Variants in VCPIP1 observed in about 807,000 individuals in gnomAD.
VCPIP1 encodes valosin containing protein interacting protein 1, also known as deubiquitinating protein VCPIP1.
In VCPIP1, 8 loss-of-function variants were observed where a neutral mutation model predicts 85.0. That is an observed-to-expected ratio of 0.09 (90% CI 0.06 to 0.17). The LOEUF is 0.17. Ranked by LOEUF, VCPIP1 falls within the 10% of genes least tolerant of loss-of-function variation. The pLI is 1.00. For synonymous variants in VCPIP1, 543 were observed against 544.5 expected, an observed-to-expected ratio of 1.00 and a Z score of 0.04; for missense variants, 1,070 against 1,486.3, an observed-to-expected ratio of 0.72 and a Z score of 4.61.
chr8:66,644,334 C>A (rs1353736905), intron 2 of VCPIP1, among the ~76,000 whole-genome samples: 2 of 152,110 alleles, frequency 1.3e-5, no homozygotes, highest in Non-Finnish European at 2.9e-5. Context: ...AAACACTCAA[C>A]AAAATATTAG....
At position 66,665,396 on chromosome 8, in the gene VCPIP1, T is replaced by C; in HGVS notation, c.1563A>G (p.Ser521=). 2 of 1,614,222 alleles carry C rather than the reference T, an allele frequency of 1.2e-6. No homozygotes were observed. The highest frequency in any genetic ancestry group is 1.7e-6 in the Non-Finnish European group (2 of 1,180,042). Residue 521 remains serine (S), a synonymous_variant, in exon 1 of 3, where the codon TCA becomes TCG. Transcript: ENST00000310421. The surrounding 1 kb of genome is among the most constrained non-coding windows in gnomAD (Gnocchi z 4.3). ...AGTCTGGTACCAGAACATCTTTCAC[T>C]GAATCATATGAGCAAACCAAATTGT... The part of the protein sequence containing the change: ...PLNNLVCSYD[S]VKDVLVPDYG...
intron 2 of VCPIP1, among the ~76,000 whole-genome samples, chr8:66,647,447 A>G (rs2130162458): frequency 6.6e-6 from 1 of 152,098 alleles, no homozygotes; most frequent in East Asian, 1.9e-4. Context: ...ATTCTGAAAA[A>G]GAAAAAAAGA....
chr8:66,665,063 C>G lies in VCPIP1; in HGVS notation c.1896G>C (p.Lys632Asn). Reference protein sequence around the residue: ...VYDVAMKLVTKHFPGEFGSEI... With the variant: ...VYDVAMKLVTNHFPGEFGSEI... ...CACTCCCAAATTCACCTGGAAAGTG[C>G]TTGGTAACAAGTTTCATTGCAACAT... Residue 632 changes from lysine to asparagine, a missense_variant, in exon 1 of 3, where the codon AAG becomes AAC. Physicochemically the swap from Lys to Asn is moderately conservative, Grantham distance 94 (BLOSUM62 0). Coordinates refer to ENST00000310421, the MANE Select transcript of VCPIP1 (RefSeq NM_025054.5). This position sits in a 1 kb window ranked among gnomAD's most constrained non-coding sequence, Gnocchi z 4.3. The G allele has an allele frequency of 6.2e-7, 1 of 1,614,034 alleles. No individual in the cohort carries two copies. Among genetic ancestry groups the G allele is most frequent in the Non-Finnish European group, 8.5e-7 (1 of 1,179,942 alleles).
intron 2 of VCPIP1, among the ~76,000 whole-genome samples, chr8:66,646,822 G>A (rs1158789656): frequency 6.6e-6 from 1 of 151,258 alleles, no homozygotes; most frequent in Non-Finnish European, 1.5e-5. Context: ...ACAGAAGTTC[G>A]AGACCAGCCT....
At chr8:66,660,723 T>C (rs148986520) in intron 1 of VCPIP1, among the ~76,000 whole-genome samples, 2 of 152,190 alleles carry the variant, frequency 1.3e-5, no homozygotes, top group East Asian at 3.8e-4. Context: ...AAACTGAATT[T>C]TGTAGGAACA....
In VCPIP1 at chr8:66,632,289, T is replaced by C. The variant is rs192976541; in HGVS notation, c.*2212A>G. 6.6e-6 allele frequency: 1 copy of C among 152,166 alleles called. No individual in the cohort carries two copies. The highest frequency in any genetic ancestry group is 1.9e-4 in the East Asian group (1 of 5,172). The allele number at this position is 152,166 out of a possible 1,614,324, so 9.4% of individuals were successfully genotyped here. ...TGGCCTACTTCTCAAAAACCATCAA[T>C]TCACCCCAACCAAATTTTCAGCTGA... On this transcript the variant is annotated 3_prime_UTR_variant, in exon 3 of 3. Transcript: ENST00000310421.
chr8:66,653,155 T>C (rs1212326305), intron 1 of VCPIP1, among the ~76,000 whole-genome samples: 1 of 152,210 alleles, frequency 6.6e-6, no homozygotes, highest in Non-Finnish European at 1.5e-5. Context: ...CATTTACTTA[T>C]AAACATTTAC....
chr8:66,634,719 C>G lies in VCPIP1; in HGVS notation c.3451G>C (p.Gly1151Arg), dbSNP rs562584036. 6 of 1,614,196 alleles carry G rather than the reference C, an allele frequency of 3.7e-6. No individual in the cohort carries two copies. The African/African-American group carries it at 8.0e-5, about 22-fold the overall frequency. Residue 1151 changes from glycine (G) to arginine (R), a missense_variant, in exon 3 of 3, where the codon GGG becomes CGG. By Grantham distance (125) the Gly-to-Arg change is moderately radical. Around this residue, in one of 8 missense-constraint regions of VCPIP1, gnomAD observed 255 missense variants for 289.5 expected, o/e 0.88. Transcript: ENST00000310421. Reference sequence around the variant, plus strand: ...TCAGGCAAACCAGTCTGAAGACTCCCAGACTTTGCAGAAGAACTCACAACT... The same window carrying G: ...TCAGGCAAACCAGTCTGAAGACTCCGAGACTTTGCAGAAGAACTCACAACT... ...TEVVSSSAKS[G>R]SLQTGLPESF... is the part of the protein sequence containing the mutation.
chr8:66,648,469 T>C (rs1811017471), intron 2 of VCPIP1, among the ~76,000 whole-genome samples: 1 of 152,198 alleles, frequency 6.6e-6, no homozygotes, highest in Non-Finnish European at 1.5e-5. Flanking sequence ...CATCCGTCCA[T>C]CTACCTAATC....
chr8:66,666,674 T>TAGC lies in VCPIP1; in HGVS notation c.282_284dup (p.Leu95dup). 1 of 1,614,194 alleles carries TAGC rather than the reference T, an allele frequency of 6.2e-7. No homozygotes were observed. The highest frequency in any genetic ancestry group is 8.5e-7 in the Non-Finnish European group (1 of 1,180,032). On this transcript the variant is annotated inframe_insertion, in exon 1 of 3. Transcript: ENST00000310421. The surrounding 1 kb of genome is among the most constrained non-coding windows in gnomAD (Gnocchi z 6.3). ...GCAGCGCGTTCCGCAGCAGGTTGTG[T>TAGC]AGCACTACGTCCGGGTCGGTCACCT... is the stretch of plus-strand genomic sequence containing the variant.
chr8:66,655,435 T>G (rs1435193893), intron 1 of VCPIP1, among the ~76,000 whole-genome samples: 2 of 152,234 alleles, frequency 1.3e-5, no homozygotes, highest in African/African-American at 2.4e-5. Flanking sequence ...AGGGCTCTAC[T>G]GGCCCAACCA....
intron 1 of VCPIP1, among the ~76,000 whole-genome samples, chr8:66,654,158 A>G (rs556063566): frequency 1.3e-5 from 2 of 152,264 alleles, no homozygotes; most frequent in East Asian, 1.9e-4. Context: ...CAAAGCTTAT[A>G]CCCTCCTTTC....
chr8:66,662,301 T>G (rs1811165527), intron 1 of VCPIP1, among the ~76,000 whole-genome samples: 1 of 152,196 alleles, frequency 6.6e-6, no homozygotes, highest in Non-Finnish European at 1.5e-5. Context: ...GTTCAAATAT[T>G]CCTACCCCTC....
At chr8:66,655,042 T>G (rs572749867) in intron 1 of VCPIP1, among the ~76,000 whole-genome samples, 77 of 152,332 alleles carry the variant, frequency 5.1e-4, no homozygotes, top group Non-Finnish European at 8.8e-4. Flanking sequence ...AATCTAGGTA[T>G]CACTTCCTTT....
At chr8:66,657,526 G>GT (rs1360644685) in intron 1 of VCPIP1, among the ~76,000 whole-genome samples, 2 of 152,148 alleles carry the variant, frequency 1.3e-5, no homozygotes, top group Non-Finnish European at 2.9e-5. Context: ...AGGCATATCT[G>GT]TTTCTTGCCT....
chr8:66,650,853 T>C (rs1292156811), intron 2 of VCPIP1, among the ~76,000 whole-genome samples: 1 of 121,246 alleles, frequency 8.2e-6, no homozygotes, highest in Admixed American at 8.9e-5. Flanking sequence ...AGAGCAAGAC[T>C]TCGTCTCAAA....
In VCPIP1 at chr8:66,665,451, C is replaced by T; in HGVS notation, c.1508G>A (p.Arg503Lys). The change falls in exon 1 of 3, where the codon AGG becomes AAG. Residue 503 changes from arginine (R) to lysine (K), a missense_variant. Around this residue, in one of 8 missense-constraint regions of VCPIP1, gnomAD observed 123 missense variants for 156.3 expected, o/e 0.79. Transcript: ENST00000310421. This position sits in a 1 kb window ranked among gnomAD's most constrained non-coding sequence, Gnocchi z 4.3. ...GGGAAAGCTGTAATTTTTGTCAGTCCTCAGCTGTCCATGAGTACTTTTTGC... is the reference window on the plus strand; with the variant it reads ...GGGAAAGCTGTAATTTTTGTCAGTCTTCAGCTGTCCATGAGTACTTTTTGC... The part of the protein sequence containing the change: ...NLAKSTHGQL[R>K]TDKNYSFPLN... The T allele has an allele frequency of 1.2e-6, 2 of 1,614,218 alleles. No individual in the cohort carries two copies. The highest frequency in any genetic ancestry group is 1.7e-6 in the Non-Finnish European group (2 of 1,180,040).
At chr8:66,653,469 G>A (rs769367350) in intron 1 of VCPIP1, 1 of 152,028 alleles carries the variant, frequency 6.6e-6, no homozygotes, top group Non-Finnish European at 1.5e-5. Context: ...ATCCAAACAG[G>A]GCTGGTCTAA....
At chr8:66,654,094 A>G (rs1811077411) in intron 1 of VCPIP1, among the ~76,000 whole-genome samples, 1 of 152,258 alleles carries the variant, frequency 6.6e-6, no homozygotes, top group Non-Finnish European at 1.5e-5. Flanking sequence ...AACTCTTCCA[A>G]GATCACACAG....
Sources: allele counts gnomAD v4.1 joint callset (sites outside exome capture counted in the v4.1 genomes callset), GRCh38; gene constraint gnomAD v4.1.1; regional missense constraint gnomAD v4.1.1; non-coding constraint Gnocchi (gnomAD v3.1); transcripts MANE v1.5; gene names NCBI Gene and HGNC (gene_info 2026-07-23, HGNC 2026-07-21).